Variants in PIEZO2 observed in about 807,000 individuals in gnomAD.
The protein encoded by PIEZO2 is piezo-type mechanosensitive ion channel component 2.
A neutral mutation model predicts 337.3 loss-of-function variants in PIEZO2; 172 were observed. The ratio of observed to expected loss-of-function variants is 0.51; its 90% CI spans 0.45 to 0.58. The LOEUF is 0.58. PIEZO2 is among the 20% of genes least tolerant of loss of function. The pLI, the probability that PIEZO2 is intolerant of heterozygous loss-of-function variation, is 0.00. For missense variants in PIEZO2, 3,028 were observed against 3,391.3 expected, an observed-to-expected ratio of 0.89 and a Z score of 2.66; for synonymous variants, 1,251 against 1,228.5, an observed-to-expected ratio of 1.02 and a Z score of -0.38.
At position 10,803,999 on chromosome 18, in the gene PIEZO2, A is replaced by C. The variant is rs2039913197; in HGVS notation, c.1081-5T>G. On this transcript the variant is annotated splice_polypyrimidine_tract_variant and splice_region_variant and intron_variant, in intron 8 of 55. Coordinates refer to ENST00000674853, the MANE Select transcript of PIEZO2 (RefSeq NM_001378183.1). ...TTTGGTCCCCTCATCCTGCACCTGA[A>C]ACACAGAAACAGGATCAGTCTTGCT... The C allele has an allele frequency of 6.5e-7, 1 of 1,537,306 alleles. No homozygotes were observed. The highest frequency in any genetic ancestry group is 8.7e-7 in the Non-Finnish European group (1 of 1,146,928).
intron 3 of PIEZO2, among the ~76,000 whole-genome samples, chr18:10,927,277 A>T (rs2031800585): frequency 6.6e-6 from 1 of 152,170 alleles, no homozygotes; most frequent in Non-Finnish European, 1.5e-5. Context: ...TGGAAGCTCA[A>T]GTTCTTGGCT....
chr18:10,829,621 A>G (rs1598547278), intron 7 of PIEZO2, among the ~76,000 whole-genome samples: 1 of 152,190 alleles, frequency 6.6e-6, no homozygotes, highest in Admixed American at 6.5e-5. Context: ...ATAAAAATCA[A>G]CATACAAAAA....
chr18:10,915,001 T>A (rs2030822297), intron 3 of PIEZO2, among the ~76,000 whole-genome samples: 1 of 148,050 alleles, frequency 6.8e-6, no homozygotes, highest in Non-Finnish European at 1.5e-5. Context: ...CTGTCCATTC[T>A]CCTCTCACCC....
intron 3 of PIEZO2, among the ~76,000 whole-genome samples, chr18:10,917,826 T>C (rs1220491402): frequency 1.3e-5 from 2 of 152,164 alleles, no homozygotes; most frequent in African/African-American, 4.8e-5. Flanking sequence ...GCACAGAAAT[T>C]GGTGATGAAA....
intron 1 of PIEZO2, among the ~76,000 whole-genome samples, chr18:11,108,561 C>T (rs1405711000): frequency 3.0e-5 from 4 of 131,922 alleles, no homozygotes; most frequent in Admixed American, 1.8e-4. Flanking sequence ...TTGCAGTGAG[C>T]TGAGATCGCA....
rs1365950888 is a variant in PIEZO2, at chr18:10,746,323, A to C, written c.4425-2092T>G. Among the ~76,000 whole-genome samples the C allele has an allele frequency of 6.6e-6, 1 of 152,048 alleles. No individual in the cohort carries two copies. Among genetic ancestry groups the C allele is most frequent in the East Asian group, 1.9e-4 (1 of 5,180 alleles). Reference sequence around the variant, plus strand: ...GGCCTCTCCTGGCCTGGAGCTTATCACTCACCACTCACTGTCCTCATCTTC... The same window carrying C: ...GGCCTCTCCTGGCCTGGAGCTTATCCCTCACCACTCACTGTCCTCATCTTC... On this transcript the variant is annotated intron_variant, in intron 30 of 55. Transcript: ENST00000674853. This position sits in a 1 kb window ranked among gnomAD's most constrained non-coding sequence, Gnocchi z 4.2.
intron 7 of PIEZO2, among the ~76,000 whole-genome samples, chr18:10,829,991 C>T (rs2040795676): frequency 6.6e-6 from 1 of 150,396 alleles, no homozygotes; most frequent in African/African-American, 2.4e-5. Flanking sequence ...TGACCACAGT[C>T]ATCCTGAGCA....
rs111313151 is a variant in PIEZO2 at position 11,109,519 on chromosome 18, G to A, written c.64+39006C>T. Reference sequence around the variant, plus strand: ...TCACTTGAGGTCAGGGGTTTGAGACGACCCTGGCCAAGATGGCGAAACCCC... The same window carrying A: ...TCACTTGAGGTCAGGGGTTTGAGACAACCCTGGCCAAGATGGCGAAACCCC... On this transcript the variant is annotated intron_variant, in intron 1 of 55. Coordinates refer to ENST00000674853, the MANE Select transcript of PIEZO2 (RefSeq NM_001378183.1). This position sits in a 1 kb window ranked among gnomAD's most constrained non-coding sequence, Gnocchi z 5.1. Among the ~76,000 whole-genome samples the A allele has an allele frequency of 1.3e-5, 2 of 152,096 alleles. No homozygotes were observed. Among genetic ancestry groups the A allele is most frequent in the Admixed American group, 6.5e-5 (1 of 15,294 alleles).
chr18:10,682,066 G>A lies in PIEZO2; in HGVS notation c.7686+38C>T. ...GCTATCATAAAGGAATGTGGCGTGG[G>A]GCAAGGCTCTGGTAGGTGGGGTGTG... On this transcript the variant is annotated intron_variant, in intron 50 of 55. Coordinates refer to ENST00000674853, the MANE Select transcript of PIEZO2 (RefSeq NM_001378183.1). The surrounding 1 kb of genome is among the most constrained non-coding windows in gnomAD (Gnocchi z 5.6). 6.7e-7 allele frequency: 1 copy of A among 1,503,320 alleles called. No homozygotes were observed. Among genetic ancestry groups the A allele is most frequent in the Non-Finnish European group, 8.9e-7 (1 of 1,125,164 alleles). The allele number at this position is 1,503,320 out of a possible 1,614,324, so 93.1% of individuals were successfully genotyped here. A position where few individuals can be genotyped will look rare whatever the true frequency, so the allele number is the denominator to read the frequency against.
chr18:11,041,888 A>G (rs959816261), intron 2 of PIEZO2, among the ~76,000 whole-genome samples: 4 of 152,184 alleles, frequency 2.6e-5, no homozygotes, highest in African/African-American at 7.2e-5. Flanking sequence ...ATTGAAAACT[A>G]TCTCTAGGAC....
At chr18:10,881,224 G>GATATGTATGTATGTAT (rs1485755985) in intron 4 of PIEZO2, among the ~76,000 whole-genome samples, 2 of 151,994 alleles carry the variant, frequency 1.3e-5, no homozygotes, top group South Asian at 2.1e-4. Context: ...GAGATATATA[G>GATATGTATGTATGTAT]ATATGTATGT....
intron 3 of PIEZO2, among the ~76,000 whole-genome samples, chr18:10,957,914 C>T (rs1471157636): frequency 5.3e-5 from 8 of 152,138 alleles, no homozygotes; most frequent in Non-Finnish European, 1.0e-4. Flanking sequence ...TGAAAAACTG[C>T]CCTACATCTT....
rs1251098632 is a variant in PIEZO2, at chr18:11,014,535, C to A, written c.161-34875G>T. On this transcript the variant is annotated intron_variant, in intron 2 of 55. Transcript: ENST00000674853. Reference sequence around the variant, plus strand: ...GGGCATTTCACCCTGTGTGGGACAGCGATCCAGAGCCCCTCATTCCTCAGT... The same window carrying A: ...GGGCATTTCACCCTGTGTGGGACAGAGATCCAGAGCCCCTCATTCCTCAGT... Among the ~76,000 whole-genome samples, 11 of 141,708 alleles carry A rather than the reference C, an allele frequency of 7.8e-5. No individual in the cohort carries two copies. In the Admixed American group the frequency reaches 7.8e-4, roughly 10 times the overall value. The allele number at this position is 141,708 out of a possible 152,430, so 93.0% of individuals were successfully genotyped here. A position where few individuals can be genotyped will look rare whatever the true frequency, so the allele number is the denominator to read the frequency against.
At chr18:10,691,796 TATATAG>T (rs1276654589) in intron 47 of PIEZO2, among the ~76,000 whole-genome samples, 2 of 58,454 alleles carry the variant, frequency 3.4e-5, no homozygotes, top group Admixed American at 2.1e-4. Flanking sequence ...TATATATATA[TATATAG>T]AGAGAGAGAG....
At position 10,677,645 on chromosome 18, in the gene PIEZO2, G is replaced by C; in HGVS notation, c.8081+102C>G. 1 of 1,358,452 alleles carries C rather than the reference G, an allele frequency of 7.4e-7. No individual in the cohort carries two copies. The highest frequency in any genetic ancestry group is 1.3e-5 in the South Asian group (1 of 77,028). 84.1% of individuals were successfully genotyped at this position (1,358,452 alleles called of 1,614,324 possible). A position where few individuals can be genotyped will look rare whatever the true frequency, so the allele number is the denominator to read the frequency against. On this transcript the variant is annotated intron_variant, in intron 53 of 55. Coordinates refer to ENST00000674853, the MANE Select transcript of PIEZO2 (RefSeq NM_001378183.1). This position sits in a 1 kb window ranked among gnomAD's most constrained non-coding sequence, Gnocchi z 4.1. ...TAGAAATTAACTTTGTGTTACCAAA[G>C]AATGAAGTTGCATTCCTCATACACA...
chr18:11,122,336 C>A (rs2040052953), intron 1 of PIEZO2, among the ~76,000 whole-genome samples: 2 of 152,214 alleles, frequency 1.3e-5, no homozygotes, highest in South Asian at 4.1e-4. Flanking sequence ...TACTTTTTAA[C>A]AGTCTCATTT....
At position 10,750,746 on chromosome 18, in the gene PIEZO2, C is replaced by A. The variant is rs545749050; in HGVS notation, c.4168-559G>T. ...TTTTTTGTTATAGTTAAGTTTAAAT[C>A]CTGAGTTGGAAAATGTTTAAACAAG... On this transcript the variant is annotated intron_variant, in intron 28 of 55. Transcript: ENST00000674853. The surrounding 1 kb of genome is among the most constrained non-coding windows in gnomAD (Gnocchi z 4.1). Among the ~76,000 whole-genome samples the A allele has an allele frequency of 6.6e-6, 1 of 152,048 alleles. No homozygotes were observed. Among genetic ancestry groups the A allele is most frequent in the Non-Finnish European group, 1.5e-5 (1 of 68,008 alleles).
At position 11,149,568 on chromosome 18, in the gene PIEZO2, A is replaced by G. The variant is rs532714405; in HGVS notation, c.-980T>C. Among the ~76,000 whole-genome samples the G allele has an allele frequency of 3.2e-3, 488 of 151,618 alleles. 3 individuals are homozygous for G. Among genetic ancestry groups the G allele is most frequent in the African/African-American group, 0.011 (451 of 41,396 alleles). ...GGCGGCGCGCGCTTCTCCACCTTCA[A>G]TGAAACTTTCGAAGCCCTCACTCGG... On this transcript the variant is annotated 5_prime_UTR_variant, in exon 1 of 56. Coordinates refer to ENST00000674853, the MANE Select transcript of PIEZO2 (RefSeq NM_001378183.1). This position sits in a 1 kb window ranked among gnomAD's most constrained non-coding sequence, Gnocchi z 8.7.
chr18:11,091,327 T>A, intron 1 of PIEZO2, among the ~76,000 whole-genome samples: 1 of 143,008 alleles, frequency 7.0e-6, no homozygotes, highest in Non-Finnish European at 1.5e-5. Flanking sequence ...GAGGTTGCAG[T>A]GAGTCCAGAT....
Sources: allele counts gnomAD v4.1 joint callset (sites outside exome capture counted in the v4.1 genomes callset), GRCh38; gene constraint gnomAD v4.1.1; non-coding constraint Gnocchi (gnomAD v3.1); transcripts MANE v1.5; gene names NCBI Gene and HGNC (gene_info 2026-07-23, HGNC 2026-07-21).